C12orf56: variants seen among roughly 807,000 people sequenced by gnomAD.
C12orf56 encodes uncharacterized protein C12orf56.
Under a neutral mutation model 69.9 loss-of-function variants are expected in C12orf56, and 71 were observed. The observed-to-expected ratio is 1.02, with a 90% CI of 0.84 to 1.24. The LOEUF (loss-of-function observed/expected upper bound fraction) is 1.24. Ranked by LOEUF, C12orf56 falls within the 50% of genes most tolerant of loss-of-function variation. The pLI is 0.00. For synonymous variants in C12orf56, 276 were observed against 274.1 expected (o/e 1.01, Z -0.07); for missense variants, 732 against 738.5 (o/e 0.99, Z 0.10).
intron 6 of C12orf56, among the ~76,000 whole-genome samples, chr12:64,295,189 T>A (rs950722443): frequency 3.3e-5 from 5 of 152,090 alleles, no homozygotes; most frequent in Non-Finnish European, 7.4e-5. Flanking sequence ...GTGGAAAAAA[T>A]TTAAACTAGA....
intron 1 of C12orf56, among the ~76,000 whole-genome samples, chr12:64,387,897 T>C (rs1482514029): frequency 6.6e-6 from 1 of 152,194 alleles, no homozygotes; most frequent in Non-Finnish European, 1.5e-5. Context: ...AGAGTAACAA[T>C]ATCCTAAAAT....
intron 5 of C12orf56, among the ~76,000 whole-genome samples, chr12:64,308,940 G>GAAAGAAAAAAGA (rs35488127): frequency 5.7e-4 from 46 of 80,874 alleles, no homozygotes; most frequent in African/African-American, 1.2e-3. Context: ...AAGAAAGAAA[G>GAAAGAAAAAAGA]AAGAAAGAAA....
chr12:64,386,399 T>TATATATATATATATA (rs1555196189), intron 1 of C12orf56, among the ~76,000 whole-genome samples: 1 of 81,500 alleles, frequency 1.2e-5, no homozygotes, highest in Non-Finnish European at 2.6e-5. Flanking sequence ...TATATATATA[T>TATATATATATATATA]TTTTTTTTTT....
intron 2 of C12orf56, among the ~76,000 whole-genome samples, chr12:64,348,159 T>C (rs1335653641): frequency 6.6e-6 from 1 of 152,068 alleles, no homozygotes; most frequent in African/African-American, 2.4e-5. Flanking sequence ...ATGCCTGTAA[T>C]CTAAGCTACT....
intron 2 of C12orf56, chr12:64,338,691 C>T: frequency 6.4e-7 from 1 of 1,561,440 alleles, no homozygotes; most frequent in Non-Finnish European, 8.8e-7. Flanking sequence ...AACTCTTCTT[C>T]TGCCTTTGCA....
intron 6 of C12orf56, among the ~76,000 whole-genome samples, chr12:64,301,945 C>G (rs1194755406): frequency 6.6e-6 from 1 of 152,102 alleles, no homozygotes; most frequent in African/African-American, 2.4e-5. Flanking sequence ...TAGTGGAGAG[C>G]CTTAAATGTT....
At chr12:64,276,133 AC>A (rs1039013399) in intron 9 of C12orf56, among the ~76,000 whole-genome samples, 5 of 151,880 alleles carry the variant, frequency 3.3e-5, no homozygotes, top group African/African-American at 1.2e-4. Flanking sequence ...AGAATTCCAA[AC>A]TCCTCTTTAC....
chr12:64,373,657 G>A (rs1046250934), intron 1 of C12orf56, among the ~76,000 whole-genome samples: 1 of 152,122 alleles, frequency 6.6e-6, no homozygotes, highest in African/African-American at 2.4e-5. Context: ...TCCACTAAAG[G>A]AAGGAAAGCA....
At chr12:64,349,332 T>G (rs2039190606) in intron 2 of C12orf56, among the ~76,000 whole-genome samples, 1 of 152,174 alleles carries the variant, frequency 6.6e-6, no homozygotes, top group Admixed American at 6.5e-5. Context: ...CCACTTTACT[T>G]CTGCAAGAAT....
chr12:64,265,879 T>C lies in C12orf56; in HGVS notation c.*1304A>G, dbSNP rs1312191472. ...TGGCATAAAATATAGTAAAGACAAGTTTTTAAATGGTTGTGGGAGAGCCAT... is the reference window on the plus strand; with the variant it reads ...TGGCATAAAATATAGTAAAGACAAGCTTTTAAATGGTTGTGGGAGAGCCAT... On this transcript the variant is annotated 3_prime_UTR_variant, in exon 13 of 13. Transcript: ENST00000543942. 6.6e-6 allele frequency: 1 copy of C among 152,196 alleles called. No homozygotes were observed. The highest frequency in any genetic ancestry group is 1.5e-5 in the Non-Finnish European group (1 of 68,040). The allele number at this position is 152,196 out of a possible 1,614,324, so 9.4% of individuals were successfully genotyped here.
chr12:64,364,930 A>C (rs1039250603), intron 1 of C12orf56, among the ~76,000 whole-genome samples: 5 of 152,094 alleles, frequency 3.3e-5, no homozygotes, highest in African/African-American at 1.2e-4. Context: ...GAGAGAAGTC[A>C]GCCCACTGCC....
intron 2 of C12orf56, among the ~76,000 whole-genome samples, chr12:64,343,000 CA>C (rs2039094737): frequency 6.6e-6 from 1 of 152,198 alleles, no homozygotes; most frequent in Non-Finnish European, 1.5e-5. Context: ...TTCTGGACCC[CA>C]CTCAAAACTG....
At chr12:64,306,419 G>GTTT (rs776815643) in intron 5 of C12orf56, among the ~76,000 whole-genome samples, 1 of 132,874 alleles carries the variant, frequency 7.5e-6, no homozygotes, top group Non-Finnish European at 1.7e-5. Context: ...GGAAGGTTTT[G>GTTT]TTTTTTTTTT....
chr12:64,350,645 T>C (rs1159474879), intron 2 of C12orf56, among the ~76,000 whole-genome samples: 1 of 152,222 alleles, frequency 6.6e-6, no homozygotes, highest in East Asian at 1.9e-4. Context: ...AGGAATCCCA[T>C]GCTCTTGGGA....
intron 1 of C12orf56, among the ~76,000 whole-genome samples, chr12:64,385,366 T>C (rs573922250): frequency 1.3e-5 from 2 of 152,294 alleles, no homozygotes; most frequent in Admixed American, 1.3e-4. Flanking sequence ...TACCTTTAAT[T>C]TTTTTTCCTT....
chr12:64,354,977 C>G (rs2039288796), intron 1 of C12orf56, among the ~76,000 whole-genome samples: 1 of 148,916 alleles, frequency 6.7e-6, no homozygotes, highest in Admixed American at 6.8e-5. Context: ...ACTCAGCAGG[C>G]TGAGGCAGGA....
intron 1 of C12orf56, among the ~76,000 whole-genome samples, chr12:64,356,179 A>C (rs1488513108): frequency 2.3e-4 from 34 of 146,176 alleles, no homozygotes; most frequent in East Asian, 1.6e-3. Flanking sequence ...TCAAAAAAAA[A>C]AAAAAAAAAA....
At chr12:64,272,739 T>C (rs2038006313) in intron 11 of C12orf56, among the ~76,000 whole-genome samples, 1 of 152,160 alleles carries the variant, frequency 6.6e-6, no homozygotes, top group Non-Finnish European at 1.5e-5. Context: ...TGTGAATGAC[T>C]ATAACTTTCA....
chr12:64,335,964 C>T (rs1012289830), intron 2 of C12orf56, among the ~76,000 whole-genome samples: 1 of 152,158 alleles, frequency 6.6e-6, no homozygotes, highest in African/African-American at 2.4e-5. Flanking sequence ...TGCTGCTCTA[C>T]ACATGACATC....
Sources: allele counts gnomAD v4.1 joint callset (sites outside exome capture counted in the v4.1 genomes callset), GRCh38; gene constraint gnomAD v4.1.1; transcripts MANE v1.5; gene names NCBI Gene and HGNC (gene_info 2026-07-23, HGNC 2026-07-21).